The following EFL1 variants were observed in gnomAD, a reference collection of about 807,000 sequenced individuals.
The protein encoded by EFL1 is elongation factor like GTPase 1, also known as elongation factor-like GTPase 1.
A neutral mutation model predicts 126.7 loss-of-function variants in EFL1; 76 were observed. That is an observed-to-expected ratio of 0.60 (90% CI 0.50 to 0.73). EFL1 has a LOEUF of 0.73. EFL1 is among the 30% of genes least tolerant of loss of function. EFL1 has a pLI of 0.00. For missense variants in EFL1, 1,128 were observed against 1,343.2 expected (o/e 0.84, Z 2.50); for synonymous variants, 410 against 448.4 (o/e 0.91, Z 1.08).
At chr15:82,190,772 T>G (rs1446550077) in intron 15 of EFL1, among the ~76,000 whole-genome samples, 1 of 152,218 alleles carries the variant, frequency 6.6e-6, no homozygotes, top group Non-Finnish European at 1.5e-5. Flanking sequence ...CTATTATACA[T>G]GTGTTATGTA....
intron 15 of EFL1, among the ~76,000 whole-genome samples, chr15:82,198,525 T>C (rs955791005): frequency 1.3e-5 from 2 of 152,220 alleles, no homozygotes; most frequent in African/African-American, 4.8e-5. Context: ...AAATGGCCTC[T>C]GGACCTCTGG....
chr15:82,243,804 T>G (rs2074946986), intron 4 of EFL1, among the ~76,000 whole-genome samples: 1 of 151,832 alleles, frequency 6.6e-6, no homozygotes, highest in Non-Finnish European at 1.5e-5. Flanking sequence ...TTGAAATTCA[T>G]TCAGGAAGGG....
chr15:82,173,194 G>GA (rs931992220), intron 15 of EFL1, among the ~76,000 whole-genome samples: 1 of 151,748 alleles, frequency 6.6e-6, no homozygotes, highest in Non-Finnish European at 1.5e-5. Flanking sequence ...AATCAACATA[G>GA]AAAAAAAATC....
chr15:82,215,950 G>C (rs143418431), intron 14 of EFL1, among the ~76,000 whole-genome samples: 1,711 of 152,038 alleles, frequency 0.011, 23 homozygotes, highest in Non-Finnish European at 0.018. Context: ...TGAATAGAAA[G>C]AAATGGAATT....
At chr15:82,178,515 C>T (rs117938632) in intron 15 of EFL1, among the ~76,000 whole-genome samples, 2,730 of 152,282 alleles carry the variant, frequency 0.018, 28 homozygotes, top group Non-Finnish European at 0.026. Context: ...ATTGTGGTGA[C>T]CCAATGTCTT....
rs371985059 is a variant in EFL1 at position 82,151,175 on chromosome 15, A to C, written c.2989+290T>G. ...CAAAGTGGGTGGATCACTTGAACTC[A>C]GGAGTTCGAGACCAACCTGGGCAAC... On this transcript the variant is annotated intron_variant, in intron 18 of 19. Coordinates refer to ENST00000268206, the MANE Select transcript of EFL1 (RefSeq NM_024580.6). Among the ~76,000 whole-genome samples the C allele has an allele frequency of 7.6e-4, 115 of 152,278 alleles. 2 individuals carry two copies. In the East Asian group the frequency reaches 0.021, roughly 28 times the overall value.
chr15:82,211,351 C>G (rs527983021), intron 15 of EFL1, among the ~76,000 whole-genome samples: 1 of 151,612 alleles, frequency 6.6e-6, no homozygotes, highest in African/African-American at 2.4e-5. Flanking sequence ...CTGGTGAAAC[C>G]CCATCTCTAC....
At chr15:82,175,856 G>A (rs552640299) in intron 15 of EFL1, among the ~76,000 whole-genome samples, 11 of 152,172 alleles carry the variant, frequency 7.2e-5, no homozygotes, top group South Asian at 2.1e-4. Flanking sequence ...AAATAAAGTA[G>A]AATATGTAAT....
At chr15:82,228,415 C>T (rs2141313223) in intron 9 of EFL1, 88 bp from the exon 10 acceptor site, 1 of 1,459,906 alleles carries the variant, frequency 6.8e-7, no homozygotes, top group Non-Finnish European at 9.1e-7. Context: ...CATATTTTTA[C>T]CCTAATGTGT....
intron 18 of EFL1, among the ~76,000 whole-genome samples, chr15:82,145,132 C>T (rs2073829973): frequency 6.6e-6 from 1 of 151,172 alleles, no homozygotes; most frequent in African/African-American, 2.4e-5. Context: ...GGAGAAACCC[C>T]ATCTCTACTA....
At chr15:82,185,245 G>A (rs960748503) in intron 15 of EFL1, among the ~76,000 whole-genome samples, 2 of 150,940 alleles carry the variant, frequency 1.3e-5, no homozygotes, top group African/African-American at 2.4e-5. Context: ...TGAAAACACT[G>A]GGTCACCTAC....
At chr15:82,208,372 T>C (rs1375624307) in intron 15 of EFL1, among the ~76,000 whole-genome samples, 1 of 152,214 alleles carries the variant, frequency 6.6e-6, no homozygotes, top group East Asian at 1.9e-4. Context: ...TATTAAGCAC[T>C]TGAAATATGG....
At chr15:82,154,021 T>C (rs1210439218) in intron 17 of EFL1, among the ~76,000 whole-genome samples, 2 of 152,192 alleles carry the variant, frequency 1.3e-5, no homozygotes, top group Non-Finnish European at 2.9e-5. Flanking sequence ...TGCCCTCTTA[T>C]TCCTGTAACA....
chr15:82,150,971 T>C (rs2073900201), intron 18 of EFL1, among the ~76,000 whole-genome samples: 1 of 152,200 alleles, frequency 6.6e-6, no homozygotes, highest in East Asian at 1.9e-4. Context: ...AGATCTTTAG[T>C]AGTCATGTTT....
chr15:82,227,382 G>C, intron 11 of EFL1, 68 bp downstream of exon 11: 26 of 1,611,872 alleles, frequency 1.6e-5, no homozygotes, highest in Non-Finnish European at 2.2e-5. Flanking sequence ...CAGCAAACTG[G>C]TCTAGAGCAG....
chr15:82,230,004 G>A (rs1263240861), intron 8 of EFL1, among the ~76,000 whole-genome samples: 1 of 152,066 alleles, frequency 6.6e-6, no homozygotes, highest in Admixed American at 6.5e-5. Flanking sequence ...AACTCTCAAG[G>A]CATGCTCTTT....
chr15:82,198,902 C>A (rs2074438027), intron 15 of EFL1, among the ~76,000 whole-genome samples: 1 of 152,054 alleles, frequency 6.6e-6, no homozygotes, highest in Non-Finnish European at 1.5e-5. Flanking sequence ...GTATGAGAAA[C>A]CTAACCTAGT....
intron 7 of EFL1, among the ~76,000 whole-genome samples, chr15:82,233,241 CA>C (rs2074840754): frequency 6.6e-6 from 1 of 152,198 alleles, no homozygotes. Context: ...ACCCATTCGA[CA>C]TTACTGCTAG....
chr15:82,157,690 CATCGCT>C lies in EFL1; in HGVS notation c.2030+17_2030+22del. ...CATTGATTGAGAGCTATCATTTCTC[CATCGCT>C]ATCATTTTCACCTAACCTTTCTTTT... is the stretch of plus-strand genomic sequence containing the variant. On this transcript the variant is annotated intron_variant, in intron 17 of 19. Coordinates refer to ENST00000268206, the MANE Select transcript of EFL1 (RefSeq NM_024580.6). 3 of 1,599,082 alleles carry C rather than the reference CATCGCT, an allele frequency of 1.9e-6. No homozygotes were observed.
Sources: allele counts gnomAD v4.1 joint callset (sites outside exome capture counted in the v4.1 genomes callset), GRCh38; gene constraint gnomAD v4.1.1; transcripts MANE v1.5; gene names NCBI Gene and HGNC (gene_info 2026-07-23, HGNC 2026-07-21).